The following GABRA6 variants were observed in gnomAD, a reference collection of about 807,000 sequenced individuals.
GABRA6 encodes gamma-aminobutyric acid type A receptor subunit alpha6.
GABRA6 carries 45 observed loss-of-function variants against 47.3 expected under a neutral mutation model. The ratio of observed to expected loss-of-function variants is 0.95; its 90% CI spans 0.75 to 1.22. The LOEUF is 1.22. Ranked by LOEUF, GABRA6 falls within the 50% of genes most tolerant of loss-of-function variation. The pLI is 0.00. For missense variants in GABRA6, 583 were observed against 549.3 expected (o/e 1.06, Z -0.61); for synonymous variants, 219 against 194.7 (o/e 1.12, Z -1.04).
Position 161,692,051 on chromosome 5 carries a change from T to C in GABRA6, c.937T>C (p.Phe313Leu), listed in dbSNP as rs1438499242. The C allele has an allele frequency of 6.2e-7, 1 of 1,614,198 alleles. No individual in the cohort carries two copies. Among genetic ancestry groups the C allele is most frequent in the Non-Finnish European group, 8.5e-7 (1 of 1,180,026 alleles). The change falls in exon 8 of 9, where the codon TTC becomes CTC. Residue 313 changes from phenylalanine (F) to leucine (L), a missense_variant. By Grantham distance (22) the Phe-to-Leu change is conservative. Transcript: ENST00000274545. ...MDWFIAVCFA[F>L]VFSALIEFAA... ...TTGGTTCATAGCTGTTTGCTTTGCATTCGTCTTCTCTGCGCTTATCGAGTT... is the reference window on the plus strand; with the variant it reads ...TTGGTTCATAGCTGTTTGCTTTGCACTCGTCTTCTCTGCGCTTATCGAGTT...
At chr5:161,689,807 A>G in intron 6 of GABRA6, 28 bp downstream of exon 6, 1 of 1,601,500 alleles carries the variant, frequency 6.2e-7, no homozygotes, top group Non-Finnish European at 8.6e-7. Flanking sequence ...GGATGGAAAT[A>G]ATCCCTCAGG....
chr5:161,691,063 GT>G (rs1754779304), intron 7 of GABRA6, among the ~76,000 whole-genome samples: 1 of 151,826 alleles, frequency 6.6e-6, no homozygotes, highest in Non-Finnish European at 1.5e-5. Context: ...TCTCCTAATA[GT>G]ATAAATTCCC....
chr5:161,690,149 C>CT, intron 6 of GABRA6, 52 bp from the exon 7 acceptor site: 1 of 1,542,914 alleles, frequency 6.5e-7, no homozygotes, highest in Non-Finnish European at 9.0e-7. Flanking sequence ...CAACTGCATT[C>CT]TTTTTGCAGA....
intron 2 of GABRA6, among the ~76,000 whole-genome samples, 189 bp downstream of exon 2, chr5:161,686,537 T>A (rs754439937): frequency 6.6e-6 from 1 of 152,172 alleles, no homozygotes; most frequent in Non-Finnish European, 1.5e-5. Flanking sequence ...TTATCTGAAC[T>A]CTCTAAGCCT....
rs377755469 is a variant in GABRA6, at chr5:161,692,307, A to G, written c.1086+107A>G. On this transcript the variant is annotated intron_variant, in intron 8 of 8. Coordinates refer to ENST00000274545, the MANE Select transcript of GABRA6 (RefSeq NM_000811.3). ...AAGTAATGTGAGTTGAGCACAGGTT[A>G]TATAACTGTAGTTTCAAGAGCAAGG... 1.9e-5 allele frequency: 25 copies of G among 1,347,882 alleles called. No homozygotes were observed. In the African/African-American group the frequency reaches 2.4e-4, roughly 13 times the overall value. The allele number at this position is 1,347,882 out of a possible 1,614,324, so 83.5% of individuals were successfully genotyped here.
chr5:161,689,537 ATGTT>A (rs780643275), intron 5 of GABRA6, 95 bp from the exon 6 acceptor site: 10 of 1,152,888 alleles, frequency 8.7e-6, no homozygotes, highest in African/African-American at 4.6e-5. Flanking sequence ...AATACAATCT[ATGTT>A]TGTATTTCCT....
chr5:161,686,223 C>A lies in GABRA6; in HGVS notation c.39-7C>A. 1 of 1,599,896 alleles carries A rather than the reference C, an allele frequency of 6.3e-7. No homozygotes were observed. The highest frequency in any genetic ancestry group is 8.6e-7 in the Non-Finnish European group (1 of 1,167,022). The stretch of plus-strand genomic sequence containing the variant: ...GGGAGTAAGGATCATTGACTGTCTA[C>A]ACACAGGCTAGAAAATGCCCTAGGG... On this transcript the variant is annotated splice_region_variant and splice_polypyrimidine_tract_variant and intron_variant, in intron 1 of 8. Coordinates refer to ENST00000274545, the MANE Select transcript of GABRA6 (RefSeq NM_000811.3).
At chr5:161,689,513 TAAAGA>T in intron 5 of GABRA6, 118 bp from the exon 6 acceptor site, 1 of 1,110,990 alleles carries the variant, frequency 9.0e-7, no homozygotes, top group Non-Finnish European at 1.3e-6. Flanking sequence ...TCACCAAGAT[TAAAGA>T]AAACATTAAA....
intron 8 of GABRA6, among the ~76,000 whole-genome samples, chr5:161,697,720 A>G (rs369902993): frequency 7.9e-5 from 12 of 152,310 alleles, no homozygotes; most frequent in African/African-American, 2.9e-4. Context: ...CCAAAAGATC[A>G]GTAGTTCTGA....
Position 161,701,722 on chromosome 5 carries a change from G to T in GABRA6, c.1311G>T (p.Trp437Cys). 1 of 1,614,120 alleles carries T rather than the reference G, an allele frequency of 6.2e-7. No individual in the cohort carries two copies. The highest frequency in any genetic ancestry group is 8.5e-7 in the Non-Finnish European group (1 of 1,179,980). Residue 437 changes from tryptophan to cysteine, a missense_variant, in exon 9 of 9, where the codon TGG becomes TGT. Trp to Cys is a radical substitution (Grantham distance 215). Coordinates refer to ENST00000274545, the MANE Select transcript of GABRA6 (RefSeq NM_000811.3). ...TTGCAGGATTCAACCTTGTGTACTGGGTAGTTTATCTTTCCAAAGATACAA... is the reference window on the plus strand; with the variant it reads ...TTGCAGGATTCAACCTTGTGTACTGTGTAGTTTATCTTTCCAAAGATACAA... ...VAFAGFNLVY[W>C]VVYLSKDTME...
chr5:161,686,278 A>G lies in GABRA6; in HGVS notation c.87A>G (p.Ser29=). ...GKLEVEGNFY[S]ENVSRILDNL... is the part of the protein sequence containing the mutation. Reference sequence around the variant, plus strand: ...TCGAAGTTGAAGGCAACTTCTACTCAGAAAACGTCAGTCGGATCCTGGACA... The same window carrying G: ...TCGAAGTTGAAGGCAACTTCTACTCGGAAAACGTCAGTCGGATCCTGGACA... Residue 29 remains serine (S), a synonymous_variant, in exon 2 of 9, where the codon TCA becomes TCG. Transcript: ENST00000274545. 6.2e-7 allele frequency: 1 copy of G among 1,614,118 alleles called. No homozygotes were observed. Among genetic ancestry groups the G allele is most frequent in the Non-Finnish European group, 8.5e-7 (1 of 1,179,962 alleles).
intron 8 of GABRA6, among the ~76,000 whole-genome samples, chr5:161,696,105 G>T (rs1393216866): frequency 1.3e-5 from 2 of 152,128 alleles, no homozygotes; most frequent in Non-Finnish European, 2.9e-5. Flanking sequence ...AGAGGTTTTC[G>T]TTTCTAGCAG....
intron 3 of GABRA6, 44 bp downstream of exon 3, chr5:161,687,047 G>T (rs200722601): frequency 1.3e-6 from 2 of 1,521,482 alleles, no homozygotes; most frequent in African/African-American, 1.4e-5. Context: ...TTTCGGGGAG[G>T]AGAGTGGAGT....
chr5:161,689,194 C>G (rs1220442695), intron 4 of GABRA6, 25 bp downstream of exon 4: 1 of 1,611,242 alleles, frequency 6.2e-7, no homozygotes, highest in Non-Finnish European at 8.5e-7. Flanking sequence ...ATTCTATTTC[C>G]CCTGCCTAAA....
chr5:161,687,862 G>C (rs996535086), intron 3 of GABRA6, among the ~76,000 whole-genome samples: 2 of 152,046 alleles, frequency 1.3e-5, no homozygotes. Flanking sequence ...GGAAAAGAAA[G>C]AAGAAATAAA....
At chr5:161,689,894 T>C in intron 6 of GABRA6, 115 bp downstream of exon 6, 1 of 1,164,814 alleles carries the variant, frequency 8.6e-7, no homozygotes, top group East Asian at 2.4e-5. Context: ...GCATGCTGTT[T>C]TGCAGTGATG....
At chr5:161,687,929 T>C (rs1754728981) in intron 3 of GABRA6, among the ~76,000 whole-genome samples, 1 of 151,076 alleles carries the variant, frequency 6.6e-6, no homozygotes, top group African/African-American at 2.4e-5. Context: ...ATTATCTTAC[T>C]ATATAAGGAG....
chr5:161,689,886 A>C, intron 6 of GABRA6, 107 bp downstream of exon 6: 1 of 1,259,704 alleles, frequency 7.9e-7, no homozygotes, highest in Non-Finnish European at 1.1e-6. Context: ...TCAGCTAAGC[A>C]TGCTGTTTTG....
chr5:161,687,028 G>A, intron 3 of GABRA6, 25 bp downstream of exon 3: 16 of 1,605,736 alleles, frequency 1.0e-5, no homozygotes, highest in African/African-American at 1.3e-5. Flanking sequence ...AGTGAGTTGG[G>A]TGTTTTCATT....
Sources: allele counts gnomAD v4.1 joint callset (sites outside exome capture counted in the v4.1 genomes callset), GRCh38; gene constraint gnomAD v4.1.1; transcripts MANE v1.5; gene names NCBI Gene and HGNC (gene_info 2026-07-23, HGNC 2026-07-21).